The following AGBL1 variants were observed in gnomAD, a reference collection of about 807,000 sequenced individuals.
AGBL1 encodes the protein cytosolic carboxypeptidase 4.
A neutral mutation model predicts 118.9 loss-of-function variants in AGBL1; 130 were observed. The observed-to-expected ratio is 1.09, with a 90% confidence interval of 0.95 to 1.26. AGBL1 has a LOEUF of 1.26. AGBL1 is among the 50% of genes most tolerant of loss of function. The pLI is 0.00. For missense variants in AGBL1, 1,584 were observed against 1,298.1 expected (o/e 1.22, Z -3.38); for synonymous variants, 555 against 478.9 (o/e 1.16, Z -2.08).
At chr15:86,262,526 T>C (rs1283248364) in intron 9 of AGBL1, 1 of 498,512 alleles carries the variant, frequency 2.0e-6, no homozygotes, top group Non-Finnish European at 3.7e-6. Context: ...TCTCATTTTA[T>C]ACAAATTTTT....
intron 5 of AGBL1, among the ~76,000 whole-genome samples, chr15:86,220,566 A>G (rs758659024): frequency 2.6e-4 from 40 of 152,280 alleles, no homozygotes; most frequent in Non-Finnish European, 4.7e-4. Flanking sequence ...GATATTTACA[A>G]ATTTGCCAAT....
intron 5 of AGBL1, among the ~76,000 whole-genome samples, chr15:86,164,866 C>T (rs1185365396): frequency 3.3e-5 from 5 of 152,164 alleles, no homozygotes; most frequent in Non-Finnish European, 5.9e-5. Context: ...GCTCCCTCAC[C>T]GCTCACCTTC....
chr15:86,605,592 C>G (rs1186125671), intron 21 of AGBL1, among the ~76,000 whole-genome samples: 1 of 152,098 alleles, frequency 6.6e-6, no homozygotes, highest in African/African-American at 2.4e-5. Context: ...TCTGATGTAC[C>G]TGGTTCATTC....
chr15:86,290,231 T>G (rs2079522095), intron 16 of AGBL1, among the ~76,000 whole-genome samples: 1 of 152,152 alleles, frequency 6.6e-6, no homozygotes, highest in Non-Finnish European at 1.5e-5. Context: ...TATTTTTAGA[T>G]AGTCATTTAG....
intron 17 of AGBL1, among the ~76,000 whole-genome samples, chr15:86,319,610 A>G (rs935158782): frequency 5.9e-5 from 9 of 151,568 alleles, no homozygotes; most frequent in Admixed American, 5.9e-4. Context: ...TGTTTCTGTT[A>G]TTTTAGTTCT....
intron 21 of AGBL1, among the ~76,000 whole-genome samples, chr15:86,668,530 T>A (rs908351955): frequency 6.6e-6 from 1 of 152,212 alleles, no homozygotes; most frequent in Non-Finnish European, 1.5e-5. Context: ...TTTTTTGGTA[T>A]CTTCAGAGTG....
chr15:86,680,337 C>T (rs1488599750), intron 22 of AGBL1, among the ~76,000 whole-genome samples: 2 of 151,930 alleles, frequency 1.3e-5, no homozygotes, highest in African/African-American at 4.8e-5. Flanking sequence ...AAATGTAAAT[C>T]AATGGAGTTT....
chr15:86,338,326 G>A (rs2080406550), intron 17 of AGBL1, among the ~76,000 whole-genome samples: 1 of 152,092 alleles, frequency 6.6e-6, no homozygotes, highest in Non-Finnish European at 1.5e-5. Flanking sequence ...GGCTGAATGG[G>A]GAGAACAAGG....
intron 4 of AGBL1, among the ~76,000 whole-genome samples, chr15:86,155,570 C>T (rs1032153558): frequency 3.9e-5 from 6 of 152,170 alleles, no homozygotes; most frequent in Admixed American, 2.6e-4. Context: ...TTTATTAATA[C>T]GTTAGATCCT....
rs548155734 is a variant in AGBL1, at chr15:86,433,808, G to A, written c.2555+36262G>A. 2.9e-4 allele frequency among the ~76,000 whole-genome samples: 44 copies of A among 152,312 alleles called. 1 individual carries two copies. In the South Asian group the frequency reaches 9.1e-3, roughly 32 times the overall value. ...TAATACTGAGTGAGCGAGTGAATGA[G>A]TAAGCAGAGGCAGGGATGAAATAAC... On this transcript the variant is annotated intron_variant, in intron 18 of 22. Coordinates refer to ENST00000614907, the MANE Select transcript of AGBL1 (RefSeq NM_001386094.1).
intron 18 of AGBL1, among the ~76,000 whole-genome samples, chr15:86,459,777 G>C (rs8026918): frequency 0.46 from 69,468 of 151,778 alleles, 16,479 homozygotes; most frequent in Middle Eastern, 0.55. Flanking sequence ...ATATTCTCAA[G>C]TCCTACCGCA....
At chr15:86,635,324 TCC>T (rs1491172718) in intron 21 of AGBL1, among the ~76,000 whole-genome samples, 1 of 93,352 alleles carries the variant, frequency 1.1e-5, no homozygotes, top group Non-Finnish European at 2.0e-5. Context: ...CTCCTCCTCC[TCC>T]TCCTCCTCCT....
chr15:86,852,356 G>A (rs1174817532), intron 22 of AGBL1, among the ~76,000 whole-genome samples: 1 of 152,140 alleles, frequency 6.6e-6, no homozygotes, highest in South Asian at 2.1e-4. Context: ...TCCACACACT[G>A]AGAGTACATG....
chr15:86,895,502 C>T (rs2080113013), intron 22 of AGBL1, among the ~76,000 whole-genome samples: 2 of 151,616 alleles, frequency 1.3e-5, no homozygotes, highest in African/African-American at 4.8e-5. Flanking sequence ...GTGGTTTCTC[C>T]ATGGGAAGAT....
chr15:86,358,475 T>A (rs940151617), intron 17 of AGBL1, among the ~76,000 whole-genome samples: 12 of 152,122 alleles, frequency 7.9e-5, no homozygotes, highest in African/African-American at 2.7e-4. Context: ...TTGTGAATTA[T>A]CTTGCAATAA....
chr15:86,471,552 C>A (rs929753996), intron 18 of AGBL1, among the ~76,000 whole-genome samples: 13 of 150,366 alleles, frequency 8.6e-5, no homozygotes, highest in African/African-American at 2.9e-4. Flanking sequence ...CAGATCAACA[C>A]TGGCCTCGTA....
intron 22 of AGBL1, among the ~76,000 whole-genome samples, chr15:86,794,071 C>T (rs1238537789): frequency 6.6e-6 from 1 of 152,170 alleles, no homozygotes; most frequent in Non-Finnish European, 1.5e-5. Context: ...CATAAAATTA[C>T]CACATGACAC....
chr15:86,621,477 C>G (rs965845300), intron 21 of AGBL1, among the ~76,000 whole-genome samples: 1 of 152,198 alleles, frequency 6.6e-6, no homozygotes, highest in Non-Finnish European at 1.5e-5. Flanking sequence ...TGTGGCATTC[C>G]TCGCCTTGTA....
chr15:86,310,307 C>G (rs1015905121), intron 17 of AGBL1, among the ~76,000 whole-genome samples: 3 of 151,950 alleles, frequency 2.0e-5, no homozygotes, highest in East Asian at 1.9e-4. Flanking sequence ...AACCTCCTCT[C>G]TTTTTCTCTT....
Sources: gnomAD v4.1 joint callset for allele counts (sites outside exome capture counted in the v4.1 genomes callset) on GRCh38, gnomAD v4.1.1 for gene constraint, MANE v1.5 for transcripts, NCBI Gene and HGNC (gene_info 2026-07-23, HGNC 2026-07-21) for gene names.